The following KPNB1 variants were observed in gnomAD, a reference collection of about 807,000 sequenced individuals.
KPNB1 encodes karyopherin subunit beta 1, also known as importin subunit beta-1.
A neutral mutation model predicts 113.0 loss-of-function variants in KPNB1; 7 were observed. The ratio of observed to expected loss-of-function variants is 0.06; its 90% confidence interval spans 0.04 to 0.12. The LOEUF (loss-of-function observed/expected upper bound fraction) is 0.12, where lower values mean the gene tolerates loss of function less well. Ranked by LOEUF, KPNB1 falls within the 10% of genes least tolerant of loss-of-function variation. The pLI is 1.00. For missense variants in KPNB1, 400 were observed against 1,054.8 expected (o/e 0.38, Z 8.60); for synonymous variants, 363 against 378.6 (o/e 0.96, Z 0.48).
At chr17:47,666,498 A>G (rs1443953982) in intron 9 of KPNB1, among the ~76,000 whole-genome samples, 2 of 144,604 alleles carry the variant, frequency 1.4e-5, no homozygotes, top group Non-Finnish European at 1.5e-5. Flanking sequence ...TATATTTTAT[A>G]TAATGTTATA....
intron 7 of KPNB1, among the ~76,000 whole-genome samples, chr17:47,663,949 T>TA (rs901287022): frequency 2.7e-5 from 4 of 150,418 alleles, no homozygotes; most frequent in African/African-American, 9.8e-5. Context: ...TGTGCTGCTG[T>TA]ACTCCAGCCT....
intron 5 of KPNB1, 28 bp downstream of exon 5, chr17:47,658,688 T>G: frequency 6.3e-7 from 1 of 1,593,020 alleles, no homozygotes; most frequent in Non-Finnish European, 8.6e-7. Context: ...AAGGTATAGA[T>G]TCAGACAGTA....
rs79377259 is a variant in KPNB1, at chr17:47,673,254, T to C, written c.1695+89T>C. 2.6e-3 allele frequency: 3,320 copies of C among 1,283,638 alleles called. 79 individuals are homozygous for C. In the African/African-American group the frequency reaches 0.045, roughly 17 times the overall value. The allele number at this position is 1,283,638 out of a possible 1,614,324, so 79.5% of individuals were successfully genotyped here. A position where few individuals can be genotyped will look rare whatever the true frequency, so the allele number is the denominator to read the frequency against. On this transcript the variant is annotated intron_variant, in intron 13 of 21. Transcript: ENST00000290158. ...TGTTTTCCAGACTGTTCTGTCTTTT[T>C]AGTGTTTAAGTATATATTTTCTCAG...
In KPNB1 at chr17:47,660,143, G is replaced by A. The variant is rs568506556; in HGVS notation, c.637-976G>A. ...TCCCCCTTTCTCAGCCACTGGTAACGACCATTTTACTTTCAGTTTCTATGT... is the reference window on the plus strand; with the variant it reads ...TCCCCCTTTCTCAGCCACTGGTAACAACCATTTTACTTTCAGTTTCTATGT... On this transcript the variant is annotated intron_variant, in intron 5 of 21. Coordinates refer to ENST00000290158, the MANE Select transcript of KPNB1 (RefSeq NM_002265.6). 1.4e-4 allele frequency among the ~76,000 whole-genome samples: 21 copies of A among 152,144 alleles called. No homozygotes were observed. In the South Asian group the frequency reaches 2.1e-3, roughly 15 times the overall value.
intron 5 of KPNB1, among the ~76,000 whole-genome samples, chr17:47,660,147 A>G (rs1252772067): frequency 6.6e-6 from 1 of 152,138 alleles, no homozygotes; most frequent in Non-Finnish European, 1.5e-5. Context: ...GGTAACGACC[A>G]TTTTACTTTC....
intron 7 of KPNB1, among the ~76,000 whole-genome samples, chr17:47,663,467 C>A (rs2030170039): frequency 6.6e-6 from 1 of 151,964 alleles, no homozygotes; most frequent in Non-Finnish European, 1.5e-5. Context: ...AGTTCGAGAC[C>A]AGCCTGGCCA....
intron 9 of KPNB1, among the ~76,000 whole-genome samples, chr17:47,667,788 C>G (rs2030335189): frequency 6.6e-6 from 1 of 151,992 alleles, no homozygotes; most frequent in Non-Finnish European, 1.5e-5. Context: ...AAACTCCTGA[C>G]CTCAGGTGAT....
intron 13 of KPNB1, 123 bp downstream of exon 13, chr17:47,673,288 T>A: frequency 9.3e-7 from 1 of 1,070,992 alleles, no homozygotes; most frequent in Admixed American, 2.4e-5. Context: ...AGAAAGATAA[T>A]AAAGCTTATA....
At chr17:47,681,547 C>T (rs2030777945) in intron 21 of KPNB1, among the ~76,000 whole-genome samples, 1 of 151,708 alleles carries the variant, frequency 6.6e-6, no homozygotes, top group African/African-American at 2.4e-5. Flanking sequence ...ACTGGGATTA[C>T]AGGCGTAAGC....
chr17:47,652,641 G>A, intron 2 of KPNB1, 53 bp from the exon 3 acceptor site: 6 of 1,419,288 alleles, frequency 4.2e-6, no homozygotes, highest in Non-Finnish European at 5.7e-6. Context: ...ATTATCCTCA[G>A]TTGTGGAAAT....
intron 11 of KPNB1, 83 bp from the exon 12 acceptor site, chr17:47,670,619 C>G: frequency 1.4e-6 from 2 of 1,440,460 alleles, no homozygotes; most frequent in Non-Finnish European, 1.9e-6. Context: ...ACTGACACGG[C>G]CCAAAGTATC....
chr17:47,654,525 C>G (rs552202584), intron 3 of KPNB1, among the ~76,000 whole-genome samples: 1 of 151,752 alleles, frequency 6.6e-6, no homozygotes, highest in African/African-American at 2.4e-5. Flanking sequence ...CATAGCACAA[C>G]GATAACTAAT....
At chr17:47,674,026 C>T (rs976549392) in intron 14 of KPNB1, among the ~76,000 whole-genome samples, 12 of 152,110 alleles carry the variant, frequency 7.9e-5, no homozygotes, top group Non-Finnish European at 1.2e-4. Context: ...TTATTCAAGC[C>T]TAGCTCAGTC....
At chr17:47,675,361 G>GTGTTTTTTT (rs2030566872) in intron 15 of KPNB1, among the ~76,000 whole-genome samples, 3 of 88,692 alleles carry the variant, frequency 3.4e-5, no homozygotes, top group Non-Finnish European at 4.6e-5. Flanking sequence ...CAGAGGTGTT[G>GTGTTTTTTT]TTTTTTTTTT....
In KPNB1 at chr17:47,650,027, C is replaced by A. The variant is rs1298373172; in HGVS notation, c.-218C>A. On this transcript the variant is annotated 5_prime_UTR_variant, in exon 1 of 22. Transcript: ENST00000290158. Reference sequence around the variant, plus strand: ...GCCCCCAGGGTCCCTCCCCCGCCGCCAGCAGCCCATTTGGAGGGAGGAAGT... The same window carrying A: ...GCCCCCAGGGTCCCTCCCCCGCCGCAAGCAGCCCATTTGGAGGGAGGAAGT... 2.2e-6 allele frequency: 3 copies of A among 1,364,798 alleles called. No individual in the cohort carries two copies. The African/African-American group carries it at 4.5e-5, about 21-fold the overall frequency. The allele number at this position is 1,364,798 out of a possible 1,614,324, so 84.5% of individuals were successfully genotyped here.
In KPNB1 at chr17:47,682,679, T is replaced by A; in HGVS notation, c.*275T>A. ...AGAGAAAAACAATGGAGTTACTTAT[T>A]TAAAAAAAAAGAAAGAAAGTTATCT... On this transcript the variant is annotated 3_prime_UTR_variant, in exon 22 of 22. Transcript: ENST00000290158. The A allele has an allele frequency of 2.0e-6, 1 of 502,708 alleles. No homozygotes were observed. The highest frequency in any genetic ancestry group is 3.5e-6 in the Non-Finnish European group (1 of 284,458). 31.1% of individuals were successfully genotyped at this position (502,708 alleles called of 1,614,324 possible). A position where few individuals can be genotyped will look rare whatever the true frequency, so the allele number is the denominator to read the frequency against.
chr17:47,666,579 T>C (rs932181456), intron 9 of KPNB1, among the ~76,000 whole-genome samples: 1 of 144,620 alleles, frequency 6.9e-6, no homozygotes, highest in Non-Finnish European at 1.5e-5. Context: ...ATATTTTATA[T>C]GTACTACATA....
chr17:47,669,142 C>G (rs938300647), intron 10 of KPNB1, among the ~76,000 whole-genome samples: 1 of 151,728 alleles, frequency 6.6e-6, no homozygotes, highest in Non-Finnish European at 1.5e-5. Context: ...ACTCTGTCAC[C>G]CATGCTGGAG....
At chr17:47,650,569 C>G in intron 2 of KPNB1, 125 bp downstream of exon 2, 1 of 721,568 alleles carries the variant, frequency 1.4e-6, no homozygotes, top group Non-Finnish European at 2.3e-6. Flanking sequence ...CCTCCCCCCT[C>G]CCCCTCCCCC....
Sources: allele counts gnomAD v4.1 joint callset (sites outside exome capture counted in the v4.1 genomes callset), GRCh38; gene constraint gnomAD v4.1.1; transcripts MANE v1.5; gene names NCBI Gene and HGNC (gene_info 2026-07-23, HGNC 2026-07-21).